MUC12: variants seen among roughly 807,000 people sequenced by gnomAD.
MUC12 encodes the protein mucin-12.
In MUC12, 172 loss-of-function variants were observed where a neutral mutation model predicts 230.8. The observed-to-expected ratio is 0.75, with a 90% CI of 0.66 to 0.85. MUC12 has a LOEUF of 0.85. Ranked by LOEUF, MUC12 falls within the 40% of genes least tolerant of loss-of-function variation. The pLI is 0.00. For missense variants in MUC12, 3,506 were observed against 5,920.6 expected (o/e 0.59, Z 13.38); for synonymous variants, 1,259 against 2,401.9 (o/e 0.52, Z 13.91).
chr7:100,970,586 A>G (rs1049199809), intron 1 of MUC12, among the ~76,000 whole-genome samples: 2 of 152,094 alleles, frequency 1.3e-5, no homozygotes, highest in Non-Finnish European at 2.9e-5. Context: ...GAAAAAAGAA[A>G]AAATGGCTGC....
Position 100,991,809 on chromosome 7 carries a change from C to T in MUC12, c.1246C>T (p.Leu416=). The T allele has an allele frequency of 6.5e-7, 1 of 1,537,992 alleles. No individual in the cohort carries two copies. Among genetic ancestry groups the T allele is most frequent in the Non-Finnish European group, 8.7e-7 (1 of 1,147,072 alleles). Reference sequence around the variant, plus strand: ...AGCACATACAAGCTACCACAGCAGCCTGGGCTCAACTGAAACAACACACTT... The same window carrying T: ...AGCACATACAAGCTACCACAGCAGCTTGGGCTCAACTGAAACAACACACTT... ...ALAHTSYHSS[L]GSTETTHFRD... is the part of the protein sequence containing the mutation. Residue 416 remains leucine (L), a synonymous_variant, in exon 2 of 12, where the codon CTG becomes TTG. Coordinates refer to ENST00000536621, the MANE Select transcript of MUC12 (RefSeq NM_001164462.2).
At chr7:101,010,761 C>T (rs1052139843) in intron 5 of MUC12, among the ~76,000 whole-genome samples, 37 of 152,132 alleles carry the variant, frequency 2.4e-4, no homozygotes, top group African/African-American at 7.5e-4. Context: ...GTGATCCGCC[C>T]GCCTTGGCCT....
chr7:101,009,866 G>A (rs747907797), intron 5 of MUC12, among the ~76,000 whole-genome samples: 9 of 152,212 alleles, frequency 5.9e-5, no homozygotes, highest in Non-Finnish European at 1.2e-4. Context: ...CAAAGGAGCA[G>A]TGATGGGGGA....
At chr7:100,971,271 G>A (rs1792886080) in intron 1 of MUC12, among the ~76,000 whole-genome samples, 1 of 152,420 alleles carries the variant, frequency 6.6e-6, no homozygotes, top group Non-Finnish European at 1.5e-5. Flanking sequence ...GTGTCTGAGA[G>A]ATGACTCTGA....
intron 1 of MUC12, among the ~76,000 whole-genome samples, chr7:100,974,944 C>T (rs1792996804): frequency 6.6e-6 from 1 of 152,312 alleles, no homozygotes; most frequent in Non-Finnish European, 1.5e-5. Flanking sequence ...CCGAGAGCCA[C>T]CCTGGAATAG....
In MUC12 at chr7:101,014,074, G is replaced by A; in HGVS notation, c.15800G>A (p.Arg5267Lys). Reference protein sequence around the residue: ...LFSLSQRKRHREQYDVPQEWR... With the variant: ...LFSLSQRKRHKEQYDVPQEWR... ...AGCCTATCCCAGAGAAAACGGCACA[G>A]GTGAGCTTGTGAGGCCAGCACCGCA... The change falls in exon 9 of 12, where the codon AGG becomes AAG. Residue 5267 changes from arginine (R) to lysine (K), a missense_variant and splice_region_variant. Coordinates refer to ENST00000536621, the MANE Select transcript of MUC12 (RefSeq NM_001164462.2). 2.0e-6 allele frequency: 3 copies of A among 1,530,790 alleles called. No homozygotes were observed. Among genetic ancestry groups the A allele is most frequent in the Non-Finnish European group, 1.7e-6 (2 of 1,143,130 alleles). The allele number at this position is 1,530,790 out of a possible 1,614,324, so 94.8% of individuals were successfully genotyped here.
Position 100,992,215 on chromosome 7 carries a change from C to G in MUC12, c.1652C>G (p.Ala551Gly). ...TMPGLSQEST[A>G]SHSSPGPTDT... ...CCAGGCCTCAGTCAGGAATCTACAG[C>G]TTCCCACAGCAGCCCAGGCCCCACA... The change falls in exon 2 of 12, where the codon GCT (alanine) becomes GGT (glycine). Residue 551 changes from alanine (A) to glycine (G), a missense_variant. Ala to Gly is a moderately conservative substitution (Grantham distance 60). Coordinates refer to ENST00000536621, the MANE Select transcript of MUC12 (RefSeq NM_001164462.2). 6.5e-7 allele frequency: 1 copy of G among 1,537,936 alleles called. No individual in the cohort carries two copies. The highest frequency in any genetic ancestry group is 8.7e-7 in the Non-Finnish European group (1 of 1,147,054).
At chr7:101,017,522 C>G (rs920995060) in intron 10 of MUC12, 53 bp from the exon 11 acceptor site, 3 of 1,174,210 alleles carry the variant, frequency 2.6e-6, no homozygotes, top group Admixed American at 4.2e-5. Context: ...CCTCTGCCCC[C>G]TAGTCCTCCC....
At chr7:100,974,291 TCTTCTC>T (rs1792977022) in intron 1 of MUC12, among the ~76,000 whole-genome samples, 1 of 152,300 alleles carries the variant, frequency 6.6e-6, no homozygotes, top group Non-Finnish European at 1.5e-5. Flanking sequence ...GTTCTCTCTC[TCTTCTC>T]CTTCTGAGAC....
Position 100,991,832 on chromosome 7 carries a change from C to T in MUC12, c.1269C>T (p.His423=), listed in dbSNP as rs759864558. ...HSSLGSTETT[H]FRDSSTISGR... ...GCCTGGGCTCAACTGAAACAACACACTTCCGTGATAGCTCCACAATCTCAG... is the reference window on the plus strand; with the variant it reads ...GCCTGGGCTCAACTGAAACAACACATTTCCGTGATAGCTCCACAATCTCAG... Residue 423 remains histidine, a synonymous_variant, in exon 2 of 12, where the codon CAC becomes CAT. Coordinates refer to ENST00000536621, the MANE Select transcript of MUC12 (RefSeq NM_001164462.2). 1.3e-6 allele frequency: 2 copies of T among 1,537,704 alleles called. No homozygotes were observed. The highest frequency in any genetic ancestry group is 1.7e-6 in the Non-Finnish European group (2 of 1,146,832).
At position 101,012,978 on chromosome 7, in the gene MUC12, A is replaced by G. The variant is rs921815915; in HGVS notation, c.15476-2A>G. 4 of 1,537,274 alleles carry G rather than the reference A, an allele frequency of 2.6e-6. No homozygotes were observed. Among genetic ancestry groups the G allele is most frequent in the Non-Finnish European group, 3.5e-6 (4 of 1,146,926 alleles). ...TGCATGCTGCCCGCCCCTCTCCCTCAGAGCAATGCACCCAGAAGGCTGCCG... is the reference window on the plus strand; with the variant it reads ...TGCATGCTGCCCGCCCCTCTCCCTCGGAGCAATGCACCCAGAAGGCTGCCG... On this transcript the variant is annotated splice_acceptor_variant, in intron 7 of 11. Transcript: ENST00000536621. LOFTEE classifies it high-confidence loss of function.
chr7:101,004,314 C>G lies in MUC12; in HGVS notation c.13751C>G (p.Thr4584Ser), dbSNP rs1479715319. ...STTVHSSPVATATTPSPARST... is the reference protein window; with the variant it reads ...STTVHSSPVASATTPSPARST... ...ACAGTCCACAGCAGCCCAGTTGCAACTGCAACAACACCCTCGCCTGCCCGC... is the reference window on the plus strand; with the variant it reads ...ACAGTCCACAGCAGCCCAGTTGCAAGTGCAACAACACCCTCGCCTGCCCGC... The change falls in exon 2 of 12, where the codon ACT becomes AGT. Residue 4584 changes from threonine to serine, a missense_variant. By Grantham distance (58) the Thr-to-Ser change is moderately conservative (BLOSUM62 1). Transcript: ENST00000536621. The G allele has an allele frequency of 8.9e-7, 1 of 1,124,706 alleles. No individual in the cohort carries two copies. The highest frequency in any genetic ancestry group is 1.2e-6 in the Non-Finnish European group (1 of 839,380). The allele number at this position is 1,124,706 out of a possible 1,614,324, so 69.7% of individuals were successfully genotyped here. A position where few individuals can be genotyped will look rare whatever the true frequency, so the allele number is the denominator to read the frequency against.
At chr7:101,015,579 C>T (rs1284654235) in intron 9 of MUC12, 36 bp from the exon 10 acceptor site, 4 of 1,532,044 alleles carry the variant, frequency 2.6e-6, no homozygotes, top group Non-Finnish European at 2.6e-6. Flanking sequence ...CCTCAGCCTC[C>T]TTGCCTACAG....
In MUC12 at chr7:101,004,669, T is replaced by C; in HGVS notation, c.14106T>C (p.Phe4702=). Residue 4702 remains phenylalanine (F), a synonymous_variant, in exon 2 of 12, where the codon TTT becomes TTC. Transcript: ENST00000536621. ...TNGITPLPAH[F]TTSGRIAEST... ...GAATCACACCCTTACCTGCCCATTT[T>C]ACTACCTCAGGCCGCATTGCAGAAT... 2.0e-6 allele frequency: 3 copies of C among 1,537,216 alleles called. No individual in the cohort carries two copies. Among genetic ancestry groups the C allele is most frequent in the Non-Finnish European group, 2.6e-6 (3 of 1,146,574 alleles).
At chr7:101,009,286 AG>A in intron 5 of MUC12, 127 bp downstream of exon 5, 1 of 922,790 alleles carries the variant, frequency 1.1e-6, no homozygotes, top group East Asian at 2.7e-5. Flanking sequence ...TGCAGCCGCT[AG>A]GGAACACTGG....
At position 100,992,359 on chromosome 7, in the gene MUC12, C is replaced by T; in HGVS notation, c.1796C>T (p.Ser599Leu). The T allele has an allele frequency of 6.5e-7, 1 of 1,536,720 alleles. No individual in the cohort carries two copies. The highest frequency in any genetic ancestry group is 2.0e-5 in the Admixed American group (1 of 50,962). The change falls in exon 2 of 12, where the codon TCA becomes TTA. Residue 599 changes from serine (S) to leucine (L), a missense_variant. By Grantham distance (145) the Ser-to-Leu change is moderately radical. Transcript: ENST00000536621. Reference protein sequence around the residue: ...TTLLPDNTTASGLLEASMPVH... With the variant: ...TTLLPDNTTALGLLEASMPVH... ...CTCTTACCTGACAACACCACAGCCT[C>T]AGGACTCCTTGAAGCATCTATGCCC...
rs778079225 is a variant in MUC12 at position 100,991,646 on chromosome 7, C to A, written c.1083C>A (p.Tyr361Ter). ...GCCATGTTGAAGAATCTACAGCCTACCACAGGAGCCCGGGCTCAACTCAAA... is the reference window on the plus strand; with the variant it reads ...GCCATGTTGAAGAATCTACAGCCTAACACAGGAGCCCGGGCTCAACTCAAA... The part of the protein sequence containing the change: ...TSGHVEESTA[Y>*]HRSPGSTQTM... The change falls in exon 2 of 12, where the codon TAC becomes TAA. Residue 361 changes from tyrosine (Y) to a stop codon, truncating the protein, a stop_gained. Coordinates refer to ENST00000536621, the MANE Select transcript of MUC12 (RefSeq NM_001164462.2). LOFTEE classifies it high-confidence loss of function. The A allele has an allele frequency of 4.0e-5, 61 of 1,536,952 alleles. No homozygotes were observed. The highest frequency in any genetic ancestry group is 4.6e-5 in the Non-Finnish European group (53 of 1,146,346).
intron 9 of MUC12, chr7:101,015,320 A>T: frequency 2.5e-6 from 1 of 398,566 alleles, no homozygotes. Flanking sequence ...ACCCTGGCAC[A>T]GTACCTGACC....
intron 1 of MUC12, among the ~76,000 whole-genome samples, chr7:100,970,767 G>C (rs2116247783): frequency 6.6e-6 from 1 of 152,128 alleles, no homozygotes; most frequent in African/African-American, 2.4e-5. Context: ...GGAGGCCGAG[G>C]TGGGCGGATC....
Sources: allele counts gnomAD v4.1 joint callset (sites outside exome capture counted in the v4.1 genomes callset), GRCh38; gene constraint gnomAD v4.1.1; transcripts MANE v1.5; gene names NCBI Gene and HGNC (gene_info 2026-07-23, HGNC 2026-07-21).